CFI: variants seen among roughly 807,000 people sequenced by gnomAD.
CFI encodes the protein complement factor I.
Under a neutral mutation model 78.8 loss-of-function variants are expected in CFI, and 66 were observed. That is an observed-to-expected ratio of 0.84 (90% CI 0.69 to 1.03). The LOEUF is 1.03. CFI is among the 50% of genes least tolerant of loss of function. The pLI, the probability that CFI is intolerant of heterozygous loss-of-function variation, is 0.00. For synonymous variants in CFI, 250 were observed against 232.6 expected, an observed-to-expected ratio of 1.07 and a Z score of -0.68; for missense variants, 706 against 704.5, an observed-to-expected ratio of 1.00 and a Z score of -0.02.
At chr4:109,744,413 C>T (rs1008899506) in intron 11 of CFI, among the ~76,000 whole-genome samples, 3 of 152,134 alleles carry the variant, frequency 2.0e-5, no homozygotes, top group Admixed American at 6.5e-5. Context: ...CCTTCAATGC[C>T]GTGCATCCTG....
chr4:109,734,532 A>G, the CFI span, among the ~76,000 whole-genome samples: 1 of 152,216 alleles, frequency 6.6e-6, no homozygotes, highest in Non-Finnish European at 1.5e-5. Flanking sequence ...GGCAGGACGC[A>G]GTGGCTCATG....
intron 1 of CFI, among the ~76,000 whole-genome samples, chr4:109,779,863 GACA>G (rs1579279972): frequency 6.6e-6 from 1 of 152,062 alleles, no homozygotes; most frequent in Non-Finnish European, 1.5e-5. Context: ...TGACAAACCT[GACA>G]ACAAGAAATG....
the CFI span, among the ~76,000 whole-genome samples, chr4:109,731,872 A>G: frequency 2.0e-5 from 3 of 152,158 alleles, no homozygotes; most frequent in Non-Finnish European, 2.9e-5. Flanking sequence ...TTATTTTTTA[A>G]TTTTTAGACA....
chr4:109,780,567 A>G (rs2125844318), intron 1 of CFI, among the ~76,000 whole-genome samples: 1 of 152,380 alleles, frequency 6.6e-6, no homozygotes, highest in Non-Finnish European at 1.5e-5. Flanking sequence ...AAGTAGTTCA[A>G]CCATTGTGGA....
At chr4:109,779,159 AG>A (rs1420239348) in intron 1 of CFI, among the ~76,000 whole-genome samples, 4 of 152,186 alleles carry the variant, frequency 2.6e-5, no homozygotes, top group East Asian at 1.9e-4. Flanking sequence ...AAAGAAATAA[AG>A]GGTATTCAAT....
intron 1 of CFI, among the ~76,000 whole-genome samples, chr4:109,776,992 C>A (rs1325953599): frequency 3.9e-5 from 6 of 152,196 alleles, no homozygotes; most frequent in Non-Finnish European, 7.4e-5. Flanking sequence ...TGGAAAGGAA[C>A]AACCAGTACC....
intron 1 of CFI, among the ~76,000 whole-genome samples, chr4:109,783,375 A>G (rs1337754607): frequency 6.6e-6 from 1 of 152,186 alleles, no homozygotes; most frequent in East Asian, 1.9e-4. Flanking sequence ...ACATGGATAG[A>G]CAATTTTCAA....
At chr4:109,780,542 G>T (rs1729875901) in intron 1 of CFI, among the ~76,000 whole-genome samples, 2 of 152,200 alleles carry the variant, frequency 1.3e-5, no homozygotes, top group African/African-American at 4.8e-5. Flanking sequence ...CTTTTACATT[G>T]TTGGTGGGAC....
intron 7 of CFI, among the ~76,000 whole-genome samples, chr4:109,753,581 T>C (rs1294418440): frequency 1.2e-5 from 1 of 86,286 alleles, no homozygotes; most frequent in Non-Finnish European, 2.0e-5. Flanking sequence ...AATATATATT[T>C]ATTATATAAA....
At chr4:109,739,908 T>C (rs920403229), downstream of CFI, among the ~76,000 whole-genome samples, 1 of 152,150 alleles carries the variant, frequency 6.6e-6, no homozygotes, top group Non-Finnish European at 1.5e-5. Context: ...GGTGGTTGTA[T>C]TGAATTATCT....
the CFI span, among the ~76,000 whole-genome samples, chr4:109,733,987 T>C: frequency 6.6e-6 from 1 of 151,914 alleles, no homozygotes; most frequent in African/African-American, 2.4e-5. Context: ...CTGGGTAACA[T>C]AGCAAAACCT....
chr4:109,793,134 A>G (rs192940239), intron 1 of CFI, among the ~76,000 whole-genome samples: 1 of 151,646 alleles, frequency 6.6e-6, no homozygotes, highest in East Asian at 1.9e-4. Context: ...TATTTTTTAG[A>G]TATTTTCTTT....
chr4:109,742,660 T>A, intron 11 of CFI, 65 bp from the exon 12 acceptor site: 1 of 1,009,350 alleles, frequency 9.9e-7, no homozygotes. Flanking sequence ...CATACTCTCA[T>A]AACTTAAACC....
At chr4:109,790,457 T>C (rs1313115271) in intron 1 of CFI, among the ~76,000 whole-genome samples, 1 of 152,128 alleles carries the variant, frequency 6.6e-6, no homozygotes, top group African/African-American at 2.4e-5. Context: ...GGGTTTGTTT[T>C]ATAGGTAAAT....
intron 1 of CFI, among the ~76,000 whole-genome samples, chr4:109,794,620 C>A (rs927385906): frequency 2.6e-5 from 4 of 151,948 alleles, no homozygotes; most frequent in African/African-American, 9.7e-5. Context: ...TGGTGAAACC[C>A]CATCTTTACT....
At chr4:109,761,852 T>G in intron 3 of CFI, 160 bp from the exon 4 acceptor site, 1 of 643,512 alleles carries the variant, frequency 1.6e-6, no homozygotes, top group Non-Finnish European at 2.7e-6. Context: ...AGTACCTTCA[T>G]CTATAAAAGG....
Position 109,761,639 on chromosome 4 carries a change from G to C in CFI, c.536C>G (p.Thr179Ser). 1 of 1,613,708 alleles carries C rather than the reference G, an allele frequency of 6.2e-7. No individual in the cohort carries two copies. The highest frequency in any genetic ancestry group is 8.5e-7 in the Non-Finnish European group (1 of 1,179,656). The stretch of plus-strand genomic sequence containing the variant: ...TCGGCAATGCACATGTAGACATTCA[G>C]TGGAATTTATAGAGAGATCAGACAA... ...FKLSDLSINS[T>S]ECLHVHCRGL... Residue 179 changes from threonine (T) to serine (S), a missense_variant, in exon 4 of 13, where the codon ACT becomes AGT. Coordinates refer to ENST00000394634, the MANE Select transcript of CFI (RefSeq NM_000204.5).
At chr4:109,753,348 AT>A (rs1252972601) in intron 7 of CFI, among the ~76,000 whole-genome samples, 4,093 of 8,384 alleles carry the variant, frequency 0.49, 1,923 homozygotes, top group East Asian at 0.87. Flanking sequence ...ATATATATTT[AT>A]TATATAATAA....
At chr4:109,753,471 TA>T (rs572554523) in intron 7 of CFI, among the ~76,000 whole-genome samples, 1 of 89,404 alleles carries the variant, frequency 1.1e-5, no homozygotes, top group African/African-American at 4.7e-5. Flanking sequence ...ATATTTATAT[TA>T]ATAAATATTT....
Sources: allele counts gnomAD v4.1 joint callset (sites outside exome capture counted in the v4.1 genomes callset), GRCh38; gene constraint gnomAD v4.1.1; transcripts MANE v1.5; gene names NCBI Gene and HGNC (gene_info 2026-07-23, HGNC 2026-07-21).